MAX: variants seen among roughly 807,000 people sequenced by gnomAD.
MAX encodes MYC associated transcriptional regulator X.
A neutral mutation model predicts 22.3 loss-of-function variants in MAX; 3 were observed. That is an observed-to-expected ratio of 0.13 (90% confidence interval 0.06 to 0.35). The LOEUF (loss-of-function observed/expected upper bound fraction) is 0.35, where lower values mean the gene tolerates loss of function less well. Among genes scored for constraint, MAX ranks in the 10% least tolerant of loss-of-function variants. The pLI is 1.00. For missense variants in MAX, 119 were observed against 209.4 expected, an observed-to-expected ratio of 0.57 and a Z score of 2.66; for synonymous variants, 72 against 77.7, an observed-to-expected ratio of 0.93 and a Z score of 0.39.
At chr14:65,043,864 ATGTAGTACCAAATTCC>A (rs2062414026) in intron 3 of MAX, among the ~76,000 whole-genome samples, 1 of 145,016 alleles carries the variant, frequency 6.9e-6, no homozygotes, top group Non-Finnish European at 1.5e-5. Context: ...AAAAAAAGAA[ATGTAGTACCAAATTCC>A]ATTTATCTGC....
At chr14:65,087,948 C>T (rs891747681) in intron 3 of MAX, among the ~76,000 whole-genome samples, 2 of 152,038 alleles carry the variant, frequency 1.3e-5, no homozygotes, top group African/African-American at 4.8e-5. Flanking sequence ...ATGCTGTTCT[C>T]GTGATAGTGA....
At chr14:65,095,358 G>A (rs2063632196) in intron 2 of MAX, among the ~76,000 whole-genome samples, 3 of 152,206 alleles carry the variant, frequency 2.0e-5, no homozygotes, top group African/African-American at 4.8e-5. Flanking sequence ...AATGTTTACT[G>A]AACTATAGTG....
Position 65,078,181 on chromosome 14 carries a change from T to C in MAX, c.172-145A>G. ...GCTGAAGAAATACAATAATGGCTAC[T>C]GTAGGCTTTATTTATTTATTTATTT... On this transcript the variant is annotated intron_variant, in intron 3 of 4. Transcript: ENST00000358664. The surrounding 1 kb of genome is among the most constrained non-coding windows in gnomAD (Gnocchi z 6.4). 1 of 776,792 alleles carries C rather than the reference T, an allele frequency of 1.3e-6. No individual in the cohort carries two copies. Among genetic ancestry groups the C allele is most frequent in the Non-Finnish European group, 2.1e-6 (1 of 470,822 alleles). 48.1% of individuals were successfully genotyped at this position (776,792 alleles called of 1,614,324 possible). A position where few individuals can be genotyped will look rare whatever the true frequency, so the allele number is the denominator to read the frequency against.
chr14:65,060,697 C>CAA (rs59036615), intron 3 of MAX, among the ~76,000 whole-genome samples: 2 of 48,606 alleles, frequency 4.1e-5, no homozygotes, highest in East Asian at 5.1e-4. Context: ...GACTCCGTCT[C>CAA]AAAAAAAAAA....
intron 3 of MAX, among the ~76,000 whole-genome samples, chr14:65,034,914 C>T (rs1351552402): frequency 2.6e-5 from 4 of 152,082 alleles, no homozygotes; most frequent in Non-Finnish European, 5.9e-5. Flanking sequence ...GTTGGTTTGC[C>T]CCAAAAGGGG....
Position 65,076,878 on chromosome 14 carries a change from T to A in MAX, c.296-215A>T. On this transcript the variant is annotated intron_variant, in intron 4 of 4. Coordinates refer to ENST00000358664, the MANE Select transcript of MAX (RefSeq NM_002382.5). The surrounding 1 kb of genome is among the most constrained non-coding windows in gnomAD (Gnocchi z 6.6). ...GCTGGACCTGGGAGCCAGCAGACACTCTGCAATCCCACCCAACTCTGAAGA... is the reference window on the plus strand; with the variant it reads ...GCTGGACCTGGGAGCCAGCAGACACACTGCAATCCCACCCAACTCTGAAGA... 1.6e-6 allele frequency: 1 copy of A among 640,962 alleles called. No homozygotes were observed. Among genetic ancestry groups the A allele is most frequent in the Non-Finnish European group, 2.8e-6 (1 of 354,062 alleles). The allele number at this position is 640,962 out of a possible 1,614,324, so 39.7% of individuals were successfully genotyped here.
chr14:65,015,982 G>C (rs1162721569), intron 3 of MAX, among the ~76,000 whole-genome samples: 1 of 152,126 alleles, frequency 6.6e-6, no homozygotes, highest in South Asian at 2.1e-4. Context: ...CTTGACTCTG[G>C]TCTTTGAGAA....
In MAX at chr14:65,054,529, T is replaced by C; in HGVS notation, c.171+39179A>G. 1 of 1,567,452 alleles carries C rather than the reference T, an allele frequency of 6.4e-7. No individual in the cohort carries two copies. Among genetic ancestry groups the C allele is most frequent in the Non-Finnish European group, 8.7e-7 (1 of 1,150,468 alleles). On this transcript the variant is annotated intron_variant, in intron 3 of 3. Coordinates refer to the MAX transcript ENST00000341653. This position sits in a 1 kb window ranked among gnomAD's most constrained non-coding sequence, Gnocchi z 4.4. ...ATTGGTGTGGCTACATTTGTAGATG[T>C]GTGCGGAGCAGAGGAGCGCCTGCTC...
chr14:65,094,728 G>A (rs1020326770), intron 2 of MAX, among the ~76,000 whole-genome samples: 1 of 152,230 alleles, frequency 6.6e-6, no homozygotes, highest in African/African-American at 2.4e-5. Flanking sequence ...AGAAGAGATA[G>A]CGCTGGAGAG....
chr14:65,083,705 G>A (rs2063252384), intron 3 of MAX: 1 of 1,039,964 alleles, frequency 9.6e-7, no homozygotes, highest in Admixed American at 5.1e-5. Context: ...GAACCAAAAT[G>A]CCATATCTGG....
rs1405693163 is a variant in MAX at position 65,027,687 on chromosome 14, C to A, written c.172-21403G>T. 6.2e-7 allele frequency: 1 copy of A among 1,614,216 alleles called. No homozygotes were observed. The highest frequency in any genetic ancestry group is 1.1e-5 in the South Asian group (1 of 91,084). ...ACTGTTGCCTCTCCTACCTCTTTCC[C>A]TGTTTCTCAGAGAGAAGCTTCTTCA... On this transcript the variant is annotated intron_variant, in intron 3 of 3. Coordinates refer to the MAX transcript ENST00000341653. The surrounding 1 kb of genome is among the most constrained non-coding windows in gnomAD (Gnocchi z 5.7).
chr14:65,055,791 A>T (rs1295414834), intron 3 of MAX, among the ~76,000 whole-genome samples: 2 of 152,184 alleles, frequency 1.3e-5, no homozygotes, highest in Non-Finnish European at 2.9e-5. Context: ...TGCCAGGATT[A>T]CATGTGTGAG....
chr14:65,055,939 G>A (rs976705653), intron 3 of MAX, among the ~76,000 whole-genome samples: 2 of 152,042 alleles, frequency 1.3e-5, no homozygotes, highest in African/African-American at 2.4e-5. Context: ...GCTTTTCCAG[G>A]CCCTAATTAT....
chr14:65,028,813 G>T lies in MAX; in HGVS notation c.172-22529C>A, dbSNP rs1044410659. On this transcript the variant is annotated intron_variant, in intron 3 of 3. Transcript: ENST00000341653. The surrounding 1 kb of genome is among the most constrained non-coding windows in gnomAD (Gnocchi z 4.4). ...TCTTCTTAAGGAAAATGTTAAAAGA[G>T]TTTTTTTCCCTCGTGTTCACTACAT... Among the ~76,000 whole-genome samples the T allele has an allele frequency of 1.3e-5, 2 of 152,128 alleles. No individual in the cohort carries two copies.
chr14:65,102,632 G>C, upstream of MAX: 1 of 1,184,618 alleles, frequency 8.4e-7, no homozygotes, highest in Non-Finnish European at 1.1e-6. Context: ...AGACGGCCCG[G>C]GTAGCTCCAG....
Position 65,102,467 on chromosome 14 carries a change from G to C in MAX, c.-128C>G, listed in dbSNP as rs558419999. 1 of 1,523,134 alleles carries C rather than the reference G, an allele frequency of 6.6e-7. No homozygotes were observed. The highest frequency in any genetic ancestry group is 1.2e-5 in the South Asian group (1 of 80,858). The allele number at this position is 1,523,134 out of a possible 1,614,324, so 94.4% of individuals were successfully genotyped here. On this transcript the variant is annotated 5_prime_UTR_variant, in exon 1 of 5. Coordinates refer to ENST00000358664, the MANE Select transcript of MAX (RefSeq NM_002382.5). ...CACACACTCACTCACTCACTCACTC[G>C]CTCTCTCACTCACACACACACACAA...
In MAX at chr14:65,059,855, A is replaced by G. The variant is rs186469526; in HGVS notation, c.171+33853T>C. Among the ~76,000 whole-genome samples the G allele has an allele frequency of 5.6e-3, 501 of 89,766 alleles. 5 individuals are homozygous for G. Among genetic ancestry groups the G allele is most frequent in the African/African-American group, 0.024 (338 of 13,930 alleles). The allele number at this position is 89,766 out of a possible 152,430, so 58.9% of individuals were successfully genotyped here. ...CTTTTTTCTTTTTTTTTTTTTTTTG[A>G]GACAGAGTCTCGCTGTTGCCCAGGT... On this transcript the variant is annotated intron_variant, in intron 3 of 3. Transcript: ENST00000341653.
In MAX at chr14:65,070,064, T is replaced by A. The variant is rs751389574; in HGVS notation, c.171+23644A>T. ...TCTCAAGCACTGTGCATGGGAGCCA[T>A]GGGCTGCCGGGCTGCCAGGCTGCCA... On this transcript the variant is annotated intron_variant, in intron 3 of 3. Transcript: ENST00000341653. This position sits in a 1 kb window ranked among gnomAD's most constrained non-coding sequence, Gnocchi z 4.4. Among the ~76,000 whole-genome samples, 3 of 151,576 alleles carry A rather than the reference T, an allele frequency of 2.0e-5. No homozygotes were observed. Among genetic ancestry groups the A allele is most frequent in the Non-Finnish European group, 4.4e-5 (3 of 67,760 alleles).
intron 3 of MAX, among the ~76,000 whole-genome samples, chr14:65,018,969 G>A (rs2061834088): frequency 6.6e-6 from 1 of 152,084 alleles, no homozygotes; most frequent in Admixed American, 6.6e-5. Context: ...AATTAGCCAA[G>A]CGTGGTGGCG....
Sources: allele counts gnomAD v4.1 joint callset (sites outside exome capture counted in the v4.1 genomes callset), GRCh38; gene constraint gnomAD v4.1.1; non-coding constraint Gnocchi (gnomAD v3.1); transcripts MANE v1.5; gene names NCBI Gene and HGNC (gene_info 2026-07-23, HGNC 2026-07-21).